ALS2CL: variants seen among roughly 807,000 people sequenced by gnomAD.
The protein encoded by ALS2CL is ALS2 C-terminal like.
ALS2CL carries 112 observed loss-of-function variants against 127.9 expected under a neutral mutation model. That is an observed-to-expected ratio of 0.88 (90% CI 0.75 to 1.02). ALS2CL has a LOEUF of 1.02. ALS2CL is among the 50% of genes least tolerant of loss of function. The probability of loss-of-function intolerance (pLI) is 0.00; values close to 1 mark genes in which losing one functional copy is unlikely to be tolerated. For synonymous variants in ALS2CL, 519 were observed against 527.6 expected (o/e 0.98, Z 0.22); for missense variants, 1,174 against 1,236.7 (o/e 0.95, Z 0.76).
At position 46,689,339 on chromosome 3, in the gene ALS2CL, G is replaced by C; in HGVS notation, c.102C>G (p.Ala34=). The C allele has an allele frequency of 6.2e-7, 1 of 1,612,772 alleles. No individual in the cohort carries two copies. The highest frequency in any genetic ancestry group is 8.5e-7 in the Non-Finnish European group (1 of 1,179,806). ...CCCCACTAGAAAGCCTAGACTCACCGGCTGGGAGCAGGGGCTGGAGGACAA... is the reference window on the plus strand; with the variant it reads ...CCCCACTAGAAAGCCTAGACTCACCCGCTGGGAGCAGGGGCTGGAGGACAA... The part of the protein sequence containing the change: ...NSLVLQPLLP[A]APDPSDPWGR... The change falls in exon 2 of 26, where the codon GCC becomes GCG. Residue 34 remains alanine (A), a splice_region_variant and synonymous_variant. Transcript: ENST00000318962.
chr3:46,688,140 A>C lies in ALS2CL; in HGVS notation c.260T>G (p.Leu87Arg), dbSNP rs763292622. Residue 87 changes from leucine (L) to arginine (R), a missense_variant, in exon 3 of 26, where the codon CTG (leucine) becomes CGG (arginine). Physicochemically the swap from Leu to Arg is moderately radical, Grantham distance 102. Transcript: ENST00000318962. The stretch of plus-strand genomic sequence containing the variant: ...TACACGGTCAGCACCTCGCAGCAGC[A>C]GCAGGGACTCCAGACCGGTGGAGTC... ...YPDSTGLESL[L>R]LLRGADRVLQ... The C allele has an allele frequency of 5.0e-6, 8 of 1,613,202 alleles. No individual in the cohort carries two copies. In the South Asian group the frequency reaches 7.7e-5, roughly 15 times the overall value.
Position 46,678,310 on chromosome 3 carries a change from C to T in ALS2CL, c.1706G>A (p.Gly569Asp). 5 of 1,611,842 alleles carry T rather than the reference C, an allele frequency of 3.1e-6. No individual in the cohort carries two copies. Among genetic ancestry groups the T allele is most frequent in the Non-Finnish European group, 3.4e-6 (4 of 1,178,444 alleles). ...TGGGAGGGCAGCCGTGTCCAGCACACCCTGTGTGTGCAGTCCTCTCCCTGC... is the reference window on the plus strand; with the variant it reads ...TGGGAGGGCAGCCGTGTCCAGCACATCCTGTGTGTGCAGTCCTCTCCCTGC... ...SGAGRGLHTQ[G>D]VLDTAALPPD... is the part of the protein sequence containing the mutation. The change falls in exon 16 of 26, where the codon GGT becomes GAT. Residue 569 changes from glycine to aspartate, a missense_variant. Physicochemically the swap from Gly to Asp is moderately conservative, Grantham distance 94. Transcript: ENST00000318962.
At chr3:46,673,920 A>G (rs1698604488) in intron 21 of ALS2CL, among the ~76,000 whole-genome samples, 1 of 152,172 alleles carries the variant, frequency 6.6e-6, no homozygotes, top group Non-Finnish European at 1.5e-5. Flanking sequence ...GGGAGCAGAG[A>G]CAGTGCCCGT....
At chr3:46,688,777 C>G (rs968851878) in intron 2 of ALS2CL, among the ~76,000 whole-genome samples, 2 of 152,362 alleles carry the variant, frequency 1.3e-5, no homozygotes, top group South Asian at 4.1e-4. Flanking sequence ...GTTCCCCTCC[C>G]GGCACCATCA....
chr3:46,683,280 T>G lies in ALS2CL; in HGVS notation c.959A>C (p.His320Pro). The change falls in exon 10 of 26, where the codon CAT becomes CCT. Residue 320 changes from histidine to proline, a missense_variant. By Grantham distance (77) the His-to-Pro change is moderately conservative. Coordinates refer to ENST00000318962, the MANE Select transcript of ALS2CL (RefSeq NM_147129.5). ...KVTWAVHQALHGKKDFPVLGA... is the reference protein window; with the variant it reads ...KVTWAVHQALPGKKDFPVLGA... ...CAGCACGGGGAAGTCCTTCTTCCCATGCAGGGCCTGGTGAACAGCCCAGGT... is the reference window on the plus strand; with the variant it reads ...CAGCACGGGGAAGTCCTTCTTCCCAGGCAGGGCCTGGTGAACAGCCCAGGT... The G allele has an allele frequency of 8.1e-6, 13 of 1,604,978 alleles. No homozygotes were observed. Among genetic ancestry groups the G allele is most frequent in the Non-Finnish European group, 1.1e-5 (13 of 1,175,734 alleles).
chr3:46,683,646 C>T (rs951326972), intron 9 of ALS2CL, 136 bp downstream of exon 9: 3 of 1,137,550 alleles, frequency 2.6e-6, no homozygotes, highest in Non-Finnish European at 4.0e-6. Context: ...CCCCGATTTA[C>T]TCTGACCAGG....
Position 46,687,647 on chromosome 3 carries a change from C to G in ALS2CL, c.340G>C (p.Ala114Pro), listed in dbSNP as rs1282886562. 4.3e-6 allele frequency: 7 copies of G among 1,613,340 alleles called. No individual in the cohort carries two copies. The highest frequency in any genetic ancestry group is 5.9e-6 in the Non-Finnish European group (7 of 1,179,728). ...CTCCTCTTTGCTGCCTTCTGGAAGG[C>G]CTGCACCACCATGCAGCTTGTGTAG... ...ESYTSCMVVQ[A>P]FQKAAKRRSE... is the part of the protein sequence containing the mutation. The change falls in exon 4 of 26, where the codon GCC becomes CCC. Residue 114 changes from alanine (A) to proline (P), a missense_variant. By Grantham distance (27) the Ala-to-Pro change is conservative. Transcript: ENST00000318962.
chr3:46,675,190 G>T (rs902466915), intron 20 of ALS2CL: 1 of 210,504 alleles, frequency 4.8e-6, no homozygotes, highest in African/African-American at 2.3e-5. Context: ...ACACTTTCAG[G>T]TCTAGAATCT....
chr3:46,671,823 T>C, intron 24 of ALS2CL, 61 bp downstream of exon 24: 1 of 1,602,990 alleles, frequency 6.2e-7, no homozygotes, highest in Non-Finnish European at 8.5e-7. Context: ...TATCAGAAGA[T>C]ATCGTGGTTG....
intron 24 of ALS2CL, 57 bp downstream of exon 24, chr3:46,671,827 G>A (rs1381564543): frequency 8.1e-6 from 13 of 1,604,466 alleles, no homozygotes; most frequent in South Asian, 5.5e-5. Flanking sequence ...AGAAGATATC[G>A]TGGTTGGGGG....
chr3:46,679,649 CT>C, intron 14 of ALS2CL: 1 of 172,712 alleles, frequency 5.8e-6, no homozygotes, highest in Non-Finnish European at 1.2e-5. Context: ...ACCAGGCTCC[CT>C]TGCCCCATGG....
At chr3:46,678,561 C>T (rs1237351778) in intron 15 of ALS2CL, among the ~76,000 whole-genome samples, 172 bp from the exon 16 acceptor site, 1 of 152,212 alleles carries the variant, frequency 6.6e-6, no homozygotes, top group African/African-American at 2.4e-5. Context: ...TCCTCTATGC[C>T]TGCCAGAGCC....
Position 46,681,932 on chromosome 3 carries a change from G to C in ALS2CL, c.1175+97C>G. ...CTCTAAGTTCCTGCTTGAGGTTTGG[G>C]AATTCAGGATGGGGCCGGGCTGGTG... On this transcript the variant is annotated intron_variant, in intron 11 of 25. Coordinates refer to ENST00000318962, the MANE Select transcript of ALS2CL (RefSeq NM_147129.5). This position sits in a 1 kb window ranked among gnomAD's most constrained non-coding sequence, Gnocchi z 4.9. 6.4e-6 allele frequency: 9 copies of C among 1,414,388 alleles called. No individual in the cohort carries two copies. Among genetic ancestry groups the C allele is most frequent in the Non-Finnish European group, 8.8e-6 (9 of 1,022,424 alleles). 87.6% of individuals were successfully genotyped at this position (1,414,388 alleles called of 1,614,324 possible).
Position 46,671,061 on chromosome 3 carries a change from A to C in ALS2CL, c.2785T>G (p.Cys929Gly). 6.2e-7 allele frequency: 1 copy of C among 1,614,130 alleles called. No individual in the cohort carries two copies. The highest frequency in any genetic ancestry group is 8.5e-7 in the Non-Finnish European group (1 of 1,179,988). Residue 929 changes from cysteine to glycine, a missense_variant, in exon 26 of 26, where the codon TGT (cysteine) becomes GGT (glycine). Coordinates refer to ENST00000318962, the MANE Select transcript of ALS2CL (RefSeq NM_147129.5). Reference protein sequence around the residue: ...YDFLLTALESCYEHIQKEDMR... With the variant: ...YDFLLTALESGYEHIQKEDMR... Reference sequence around the variant, plus strand: ...TCTTCTTTCTGGATGTGCTCGTAACAGGACTGGAGGGAGAGAGGCAAGGCT... The same window carrying C: ...TCTTCTTTCTGGATGTGCTCGTAACCGGACTGGAGGGAGAGAGGCAAGGCT...
Position 46,681,732 on chromosome 3 carries a change from C to A in ALS2CL, c.1176-134G>T. ...CAGGGAGACTCTCAGAGGCCCTCAG[C>A]CTTCCTATCCTTCAAAGGGCCCCTC... On this transcript the variant is annotated intron_variant, in intron 11 of 25. Coordinates refer to ENST00000318962, the MANE Select transcript of ALS2CL (RefSeq NM_147129.5). The surrounding 1 kb of genome is among the most constrained non-coding windows in gnomAD (Gnocchi z 4.9). 5.6e-6 allele frequency: 5 copies of A among 897,462 alleles called. No homozygotes were observed. The highest frequency in any genetic ancestry group is 6.8e-6 in the Non-Finnish European group (4 of 588,150). 55.6% of individuals were successfully genotyped at this position (897,462 alleles called of 1,614,324 possible).
At chr3:46,672,446 A>G (rs960832514) in intron 22 of ALS2CL, among the ~76,000 whole-genome samples, 7 of 152,220 alleles carry the variant, frequency 4.6e-5, no homozygotes, top group Non-Finnish European at 1.0e-4. Flanking sequence ...GGATAAGAAG[A>G]TAATAATCAT....
chr3:46,670,552 A>G lies in ALS2CL; in HGVS notation c.*432T>C, dbSNP rs1698309218. 1 of 191,048 alleles carries G rather than the reference A, an allele frequency of 5.2e-6. No individual in the cohort carries two copies. The highest frequency in any genetic ancestry group is 1.2e-4 in the South Asian group (1 of 8,444). 11.8% of individuals were successfully genotyped at this position (191,048 alleles called of 1,614,324 possible). ...AGCCTGCCAGAGGTCAATACAGCCCAGCAGACTAAAGTCAGTTTTCCAAAA... is the reference window on the plus strand; with the variant it reads ...AGCCTGCCAGAGGTCAATACAGCCCGGCAGACTAAAGTCAGTTTTCCAAAA... On this transcript the variant is annotated 3_prime_UTR_variant, in exon 26 of 26. Coordinates refer to ENST00000318962, the MANE Select transcript of ALS2CL (RefSeq NM_147129.5). The surrounding 1 kb of genome is among the most constrained non-coding windows in gnomAD (Gnocchi z 5.5).
rs1476953825 is a variant in ALS2CL, at chr3:46,672,039, G to C, written c.2535-6C>G. ...CCCGTGGGTCCACCGTGGTCCTGCA[G>C]CAGGGTAGCTGGCTCCAGGTCAAGG... On this transcript the variant is annotated splice_region_variant and splice_polypyrimidine_tract_variant and intron_variant, in intron 23 of 25. Coordinates refer to ENST00000318962, the MANE Select transcript of ALS2CL (RefSeq NM_147129.5). 2.5e-6 allele frequency: 4 copies of C among 1,613,764 alleles called. No individual in the cohort carries two copies. The highest frequency in any genetic ancestry group is 2.2e-5 in the East Asian group (1 of 44,884).
chr3:46,683,158 C>G lies in ALS2CL; in HGVS notation c.1081G>C (p.Glu361Gln). ...GRLCQATYEGEWCRGRPHGKG... is the reference protein window; with the variant it reads ...GRLCQATYEGQWCRGRPHGKG... ...CCGTGGGGCCGGCCCCTGCACCACT[C>G]GCCCTCGTAGGTGGCCTGGCAGAGC... The change falls in exon 10 of 26, where the codon GAG (glutamate) becomes CAG (glutamine). Residue 361 changes from glutamate to glutamine, a missense_variant. Glu to Gln is a conservative substitution (Grantham distance 29). Coordinates refer to ENST00000318962, the MANE Select transcript of ALS2CL (RefSeq NM_147129.5). 1.2e-6 allele frequency: 2 copies of G among 1,600,274 alleles called. No individual in the cohort carries two copies. The highest frequency in any genetic ancestry group is 1.7e-6 in the Non-Finnish European group (2 of 1,173,294).
Sources: gnomAD v4.1 joint callset for allele counts (sites outside exome capture counted in the v4.1 genomes callset) on GRCh38, gnomAD v4.1.1 for gene constraint, Gnocchi (gnomAD v3.1) non-coding constraint, MANE v1.5 for transcripts, NCBI Gene and HGNC (gene_info 2026-07-23, HGNC 2026-07-21) for gene names.